The following VPS13B variants were observed in gnomAD, a reference collection of about 807,000 sequenced individuals.
VPS13B encodes vacuolar protein sorting 13 homolog B.
In VPS13B, 285 loss-of-function variants were observed where a neutral mutation model predicts 426.4. That is an observed-to-expected ratio of 0.67 (90% confidence interval 0.61 to 0.74). VPS13B has a LOEUF of 0.74. VPS13B is among the 30% of genes least tolerant of loss of function. The pLI, the probability that VPS13B is intolerant of heterozygous loss-of-function variation, is 0.00. For missense variants in VPS13B, 4,537 were observed against 4,782.6 expected (o/e 0.95, Z 1.51); for synonymous variants, 1,676 against 1,676.4 (o/e 1.00, Z 0.01).
chr8:99,455,872 A>G (rs1193271398), intron 23 of VPS13B, among the ~76,000 whole-genome samples: 2 of 152,190 alleles, frequency 1.3e-5, no homozygotes, highest in Non-Finnish European at 2.9e-5. Flanking sequence ...ACCAGTTGAT[A>G]TGTACTTCTA....
intron 3 of VPS13B, among the ~76,000 whole-genome samples, chr8:99,044,727 G>T (rs1185231896): frequency 6.6e-6 from 1 of 151,936 alleles, no homozygotes; most frequent in Non-Finnish European, 1.5e-5. Flanking sequence ...TATCAGTGAG[G>T]ACATATGATA....
intron 43 of VPS13B, among the ~76,000 whole-genome samples, chr8:99,802,337 G>A (rs1441197712): frequency 6.6e-6 from 1 of 152,088 alleles, no homozygotes; most frequent in Non-Finnish European, 1.5e-5. Flanking sequence ...GTGCCAAGAG[G>A]GCAAGTTGGG....
intron 43 of VPS13B, chr8:99,804,344 C>T (rs1813280529): frequency 6.6e-6 from 1 of 152,218 alleles, no homozygotes; most frequent in Admixed American, 6.5e-5. Context: ...GCACAGTACC[C>T]AGTGTCCATG....
intron 35 of VPS13B, among the ~76,000 whole-genome samples, chr8:99,689,078 G>T (rs1021888934): frequency 1.3e-5 from 2 of 151,930 alleles, no homozygotes; most frequent in African/African-American, 2.4e-5. Flanking sequence ...TCTTCTTTCC[G>T]GTAAAGAATA....
chr8:99,047,161 C>CT (rs1337954249), intron 3 of VPS13B, among the ~76,000 whole-genome samples: 2 of 151,832 alleles, frequency 1.3e-5, no homozygotes, highest in Admixed American at 6.6e-5. Flanking sequence ...TGGTCCTGGA[C>CT]TTTTTTTTGT....
Position 99,778,669 on chromosome 8 carries a change from G to A in VPS13B, c.7430-13G>A. ...ATCTTAATTGCTGTTTTCCTTGTTT[G>A]TTTTCTCAACAGCTGCACCACAGTA... On this transcript the variant is annotated splice_polypyrimidine_tract_variant and intron_variant, in intron 41 of 61. Transcript: ENST00000357162. The A allele has an allele frequency of 6.2e-7, 1 of 1,611,670 alleles. No individual in the cohort carries two copies. Among genetic ancestry groups the A allele is most frequent in the South Asian group, 1.1e-5 (1 of 90,980 alleles).
At position 99,036,627 on chromosome 8, in the gene VPS13B, G is replaced by T. The variant is rs577025682; in HGVS notation, c.148-1796G>T. 9.9e-5 allele frequency among the ~76,000 whole-genome samples: 15 copies of T among 152,186 alleles called. No individual in the cohort carries two copies. The South Asian group carries it at 1.5e-3, about 15-fold the overall frequency. On this transcript the variant is annotated intron_variant, in intron 2 of 61. Coordinates refer to ENST00000357162, the MANE Select transcript of VPS13B (RefSeq NM_152564.5). Reference sequence around the variant, plus strand: ...AAAGCCACCTCTTGTGTTACTGTTTGGTTAGTAGCATTCTGATGATACTAA... The same window carrying T: ...AAAGCCACCTCTTGTGTTACTGTTTTGTTAGTAGCATTCTGATGATACTAA...
chr8:99,507,100 T>A (rs375788305), intron 27 of VPS13B, 37 bp from the exon 28 acceptor site: 1 of 1,612,362 alleles, frequency 6.2e-7, no homozygotes, highest in South Asian at 1.1e-5. Context: ...CTCAGAAAAA[T>A]TGAAGAGAAC....
At chr8:99,568,741 A>C (rs936300689) in intron 31 of VPS13B, among the ~76,000 whole-genome samples, 1 of 151,926 alleles carries the variant, frequency 6.6e-6, no homozygotes, top group Non-Finnish European at 1.5e-5. Context: ...TGGGAATGTT[A>C]CTGTTTTCAT....
At chr8:99,539,582 C>T (rs1823449824) in intron 30 of VPS13B, among the ~76,000 whole-genome samples, 1 of 151,936 alleles carries the variant, frequency 6.6e-6, no homozygotes, top group Admixed American at 6.6e-5. Flanking sequence ...CCTGTCTCTA[C>T]AAAAAATTAA....
At chr8:99,060,088 T>G (rs1293194821) in intron 3 of VPS13B, among the ~76,000 whole-genome samples, 2 of 152,092 alleles carry the variant, frequency 1.3e-5, no homozygotes, top group Non-Finnish European at 2.9e-5. Flanking sequence ...AGAACATTAT[T>G]GAAAAAGAAG....
chr8:99,443,532 A>G (rs1376173188), intron 23 of VPS13B, among the ~76,000 whole-genome samples: 1 of 152,172 alleles, frequency 6.6e-6, no homozygotes, highest in African/African-American at 2.4e-5. Context: ...CATGAATACT[A>G]TTATCATACA....
At chr8:99,650,647 T>A (rs1829773869) in intron 34 of VPS13B, among the ~76,000 whole-genome samples, 1 of 152,144 alleles carries the variant, frequency 6.6e-6, no homozygotes, top group Non-Finnish European at 1.5e-5. Flanking sequence ...TTGACAACAA[T>A]AATAAATAAC....
chr8:99,746,203 A>G (rs752879433), intron 39 of VPS13B, among the ~76,000 whole-genome samples: 13 of 151,978 alleles, frequency 8.6e-5, no homozygotes, highest in Non-Finnish European at 1.8e-4. Context: ...ATAGAGCTTG[A>G]TTAGATTTGA....
At chr8:99,431,687 T>A (rs1817120675) in intron 22 of VPS13B, 23 bp downstream of exon 22, 1 of 1,606,796 alleles carries the variant, frequency 6.2e-7, no homozygotes, top group African/African-American at 1.3e-5. Flanking sequence ...TTAGAAATAT[T>A]ATGGATATAA....
In VPS13B at chr8:99,466,579, AT is replaced by A. The variant is rs139033941; in HGVS notation, c.3446-831del. Among the ~76,000 whole-genome samples, 406 of 152,298 alleles carry A rather than the reference AT, an allele frequency of 2.7e-3. 13 individuals carry two copies. The East Asian group carries it at 0.041, about 15-fold the overall frequency. ...CTCAAATGTTTATATTAATAAATTA[AT>A]TTTACCTGAGATAAGTCAGTAAAAG... is the stretch of plus-strand genomic sequence containing the variant. On this transcript the variant is annotated intron_variant, in intron 23 of 61. Transcript: ENST00000357162.
chr8:99,301,214 CA>C (rs1229658716), intron 19 of VPS13B, among the ~76,000 whole-genome samples: 17 of 148,478 alleles, frequency 1.1e-4, no homozygotes, highest in Admixed American at 7.4e-4. Context: ...GACCTTGTTT[CA>C]AAAAAAAAAT....
At chr8:99,871,353 C>A (rs1200084281) in intron 60 of VPS13B, 95 bp from the exon 61 acceptor site, 1 of 1,594,298 alleles carries the variant, frequency 6.3e-7, no homozygotes, top group African/African-American at 1.3e-5. Context: ...GCCCTTTGCC[C>A]TTGTGGAGGT....
intron 35 of VPS13B, among the ~76,000 whole-genome samples, chr8:99,686,819 G>A (rs1481866586): frequency 6.6e-6 from 1 of 152,000 alleles, no homozygotes; most frequent in Non-Finnish European, 1.5e-5. Flanking sequence ...GCCTGGAATT[G>A]GGAATCCCAA....
Sources: gnomAD v4.1 joint callset for allele counts (sites outside exome capture counted in the v4.1 genomes callset) on GRCh38, gnomAD v4.1.1 for gene constraint, MANE v1.5 for transcripts, NCBI Gene and HGNC (gene_info 2026-07-23, HGNC 2026-07-21) for gene names.